Variants in HMSD observed in about 807,000 individuals in gnomAD.
The protein encoded by HMSD is histocompatibility minor serpin domain containing.
HMSD carries 13 observed loss-of-function variants against 10.0 expected under a neutral mutation model. That is an observed-to-expected ratio of 1.31 (90% CI 0.85 to 2.08). HMSD has a LOEUF of 2.08. Among genes scored for constraint, HMSD ranks in the 30% most tolerant of loss-of-function variants. The probability of loss-of-function intolerance (pLI) is 0.00; values close to 1 mark genes in which losing one functional copy is unlikely to be tolerated. For synonymous variants in HMSD, 51 were observed against 54.2 expected (o/e 0.94, Z 0.26); for missense variants, 169 against 166.3 (o/e 1.02, Z -0.09).
In HMSD at chr18:63,961,273, G is replaced by A. The variant is rs1243289938; in HGVS notation, c.*918G>A. 3.3e-5 allele frequency: 5 copies of A among 151,888 alleles called. No homozygotes were observed. Among genetic ancestry groups the A allele is most frequent in the African/African-American group, 1.2e-4 (5 of 41,330 alleles). 9.4% of individuals were successfully genotyped at this position (151,888 alleles called of 1,614,324 possible). The stretch of plus-strand genomic sequence containing the variant: ...TGAATTATGAAAATGAATGATAATG[G>A]TTTTATCTGTTATAGAAATATAATA... On this transcript the variant is annotated 3_prime_UTR_variant, in exon 4 of 4. Transcript: ENST00000408945.
chr18:63,963,199 CCTTG>C (rs2050397311), downstream of HMSD, among the ~76,000 whole-genome samples: 1 of 137,630 alleles, frequency 7.3e-6, no homozygotes, highest in African/African-American at 3.2e-5. Flanking sequence ...TTGCTTCCTT[CCTTG>C]CTTCCTTCCT....
At chr18:63,953,645 C>A (rs1599107967) in intron 2 of HMSD, 118 bp downstream of exon 2, 13 of 813,258 alleles carry the variant, frequency 1.6e-5, no homozygotes, top group Non-Finnish European at 2.5e-5. Flanking sequence ...GGTAGTCTCA[C>A]AGGATGTGGA....
Position 63,960,653 on chromosome 18 carries a change from GA to G in HMSD, c.*300del. On this transcript the variant is annotated 3_prime_UTR_variant, in exon 4 of 4. Coordinates refer to ENST00000408945, the MANE Select transcript of HMSD (RefSeq NM_001123366.2). ...GCAACTGCTGTGATCAGTGATAAGGGAACACACTGATGATTTAGATTGAACA... is the reference window on the plus strand; with the variant it reads ...GCAACTGCTGTGATCAGTGATAAGGGACACACTGATGATTTAGATTGAACA... 1 of 275,468 alleles carries G rather than the reference GA, an allele frequency of 3.6e-6. No homozygotes were observed. Among genetic ancestry groups the G allele is most frequent in the African/African-American group, 2.3e-5 (1 of 42,964 alleles). The allele number at this position is 275,468 out of a possible 1,614,324, so 17.1% of individuals were successfully genotyped here.
At chr18:63,956,654 T>C (rs2050360161) in intron 3 of HMSD, among the ~76,000 whole-genome samples, 1 of 152,212 alleles carries the variant, frequency 6.6e-6, no homozygotes. Context: ...GTTCAGCCAC[T>C]GTGGAAAGGA....
At chr18:63,952,368 C>A (rs1209727435) in intron 1 of HMSD, among the ~76,000 whole-genome samples, 1 of 151,734 alleles carries the variant, frequency 6.6e-6, no homozygotes, top group Non-Finnish European at 1.5e-5. Context: ...GCACAATGAC[C>A]AAATGACACT....
At chr18:63,959,915 T>G (rs2050377248) in intron 3 of HMSD, among the ~76,000 whole-genome samples, 2 of 152,210 alleles carry the variant, frequency 1.3e-5, no homozygotes. Context: ...GCCACTCTCA[T>G]GAAGGATCCA....
intron 3 of HMSD, among the ~76,000 whole-genome samples, chr18:63,956,810 T>C (rs960767391): frequency 3.3e-5 from 5 of 151,990 alleles, no homozygotes; most frequent in African/African-American, 1.2e-4. Flanking sequence ...GGCAAAAACA[T>C]GGAATCAACC....
rs766170009 is a variant in HMSD, at chr18:63,954,472, T to G, written c.137T>G (p.Leu46Arg). The G allele has an allele frequency of 6.2e-7, 1 of 1,613,830 alleles. No homozygotes were observed. The highest frequency in any genetic ancestry group is 1.1e-5 in the South Asian group (1 of 91,068). The stretch of plus-strand genomic sequence containing the variant: ...ATTCATCGAGGTTTTCAGTCACTTC[T>G]TGTTGCAATTAACAGAACTGACACT... ...GDIHRGFQSL[L>R]VAINRTDTEY... The change falls in exon 3 of 4, where the codon CTT becomes CGT. Residue 46 changes from leucine to arginine, a missense_variant. Physicochemically the swap from Leu to Arg is moderately radical, Grantham distance 102. Transcript: ENST00000408945.
chr18:63,960,115 G>A (rs1318682101), intron 3 of HMSD, 43 bp from the exon 4 acceptor site: 1 of 1,560,064 alleles, frequency 6.4e-7, no homozygotes, highest in Non-Finnish European at 8.8e-7. Context: ...AGTGATATTA[G>A]TTGTTTCTGT....
chr18:63,952,909 C>T (rs917803798), intron 1 of HMSD, among the ~76,000 whole-genome samples: 2 of 152,136 alleles, frequency 1.3e-5, no homozygotes, highest in Non-Finnish European at 2.9e-5. Context: ...GGAGGGAATA[C>T]CTATTTTACC....
At chr18:63,952,333 A>G (rs1472053799) in intron 1 of HMSD, among the ~76,000 whole-genome samples, 1 of 152,170 alleles carries the variant, frequency 6.6e-6, no homozygotes, top group Admixed American at 6.5e-5. Context: ...TTTCAACTAC[A>G]TGCAAGTCCA....
chr18:63,953,332 G>T, intron 1 of HMSD, 22 bp from the exon 2 acceptor site: 1 of 678,230 alleles, frequency 1.5e-6, no homozygotes. Context: ...ATGTAATATT[G>T]TTTAAAAATC....
In HMSD at chr18:63,950,708, C is replaced by CAA. The variant is rs756429257; in HGVS notation, c.-103+1315_-103+1316dup. ...TTTCATTTCAAGGAAAGGCATTTGG[C>CAA]AAAAAAAAGAAAAAAGCAAATTTAA... On this transcript the variant is annotated intron_variant, in intron 1 of 3. Transcript: ENST00000408945. 6.9e-3 allele frequency among the ~76,000 whole-genome samples: 1,009 copies of CAA among 146,578 alleles called. 5 individuals are homozygous for CAA. Among genetic ancestry groups the CAA allele is most frequent in the Middle Eastern group, 0.014 (4 of 278 alleles).
At chr18:63,951,311 G>T (rs1388706874) in intron 1 of HMSD, among the ~76,000 whole-genome samples, 2 of 152,126 alleles carry the variant, frequency 1.3e-5, no homozygotes, top group Non-Finnish European at 2.9e-5. Context: ...AAAACAATTT[G>T]TTTACCAAAT....
At position 63,961,208 on chromosome 18, in the gene HMSD, T is replaced by TCTC. The variant is rs143406640; in HGVS notation, c.*853_*854insCTC. The stretch of plus-strand genomic sequence containing the variant: ...ATCCAAGCAGGAGGGTGTTTTTTTT[T>TCTC]TTTCTTTCCTGGAATGAGGATAATC... On this transcript the variant is annotated 3_prime_UTR_variant, in exon 4 of 4. Transcript: ENST00000408945. 2 of 117,810 alleles carry TCTC rather than the reference T, an allele frequency of 1.7e-5. No individual in the cohort carries two copies. The highest frequency in any genetic ancestry group is 1.7e-4 in the Admixed American group (2 of 11,602). 7.3% of individuals were successfully genotyped at this position (117,810 alleles called of 1,614,324 possible). A position where few individuals can be genotyped will look rare whatever the true frequency, so the allele number is the denominator to read the frequency against.
chr18:63,956,054 G>C (rs1207970627), intron 3 of HMSD, among the ~76,000 whole-genome samples: 1 of 152,188 alleles, frequency 6.6e-6, no homozygotes, highest in Non-Finnish European at 1.5e-5. Context: ...CCCTGTAGCA[G>C]ACCAGCACCA....
intron 3 of HMSD, among the ~76,000 whole-genome samples, chr18:63,956,069 C>G (rs370394699): frequency 2.0e-4 from 30 of 152,286 alleles, no homozygotes; most frequent in Admixed American, 1.6e-3. Context: ...GCACCAAAGC[C>G]ACAGCCCCAG....
intron 2 of HMSD, among the ~76,000 whole-genome samples, chr18:63,954,048 G>A (rs1033271283): frequency 4.6e-5 from 7 of 152,184 alleles, no homozygotes; most frequent in Non-Finnish European, 8.8e-5. Flanking sequence ...AGTGTCAGGA[G>A]CACCATGTGT....
chr18:63,963,081 CTTTCTTTCTTTCTT>C (rs755798099), downstream of HMSD, among the ~76,000 whole-genome samples: 74 of 78,564 alleles, frequency 9.4e-4, 1 homozygote, highest in Middle Eastern at 6.6e-3. Flanking sequence ...CTCTTTCTTT[CTTTCTTTCTTTCTT>C]TCTTTCTTTC....
Sources: gnomAD v4.1 joint callset for allele counts (sites outside exome capture counted in the v4.1 genomes callset) on GRCh38, gnomAD v4.1.1 for gene constraint, MANE v1.5 for transcripts, NCBI Gene and HGNC (gene_info 2026-07-23, HGNC 2026-07-21) for gene names.